The following DCDC2 variants were observed in gnomAD, a reference collection of about 807,000 sequenced individuals.
DCDC2 encodes the protein doublecortin domain-containing protein 2.
A neutral mutation model predicts 50.2 loss-of-function variants in DCDC2; 40 were observed. The observed-to-expected ratio is 0.80, with a 90% CI of 0.62 to 1.04. DCDC2 has a LOEUF of 1.04. Among genes scored for constraint, DCDC2 ranks in the 50% least tolerant of loss-of-function variants. The probability of loss-of-function intolerance (pLI) is 0.00; values close to 1 mark genes in which losing one functional copy is unlikely to be tolerated. For synonymous variants in DCDC2, 234 were observed against 210.6 expected (o/e 1.11, Z -0.96); for missense variants, 570 against 581.9 (o/e 0.98, Z 0.21).
At chr6:24,281,579 CTATATA>C (rs10531442) in intron 6 of DCDC2, among the ~76,000 whole-genome samples, 78,143 of 148,938 alleles carry the variant, frequency 0.52, 24,865 homozygotes, top group East Asian at 0.78. Context: ...ACATAATACA[CTATATA>C]TATAAATTAT....
intron 7 of DCDC2, among the ~76,000 whole-genome samples, chr6:24,264,049 T>C (rs1468902550): frequency 1.3e-5 from 2 of 152,190 alleles, no homozygotes; most frequent in South Asian, 2.1e-4. Flanking sequence ...AGATTTCTCA[T>C]TGCCAACCTG....
chr6:24,314,747 G>A (rs557817127), intron 2 of DCDC2, among the ~76,000 whole-genome samples: 4 of 151,976 alleles, frequency 2.6e-5, no homozygotes, highest in African/African-American at 7.2e-5. Context: ...CAAGGCAAAC[G>A]TGATAGTAAT....
intron 4 of DCDC2, among the ~76,000 whole-genome samples, chr6:24,297,023 T>C (rs1759266235): frequency 6.6e-6 from 1 of 152,228 alleles, no homozygotes; most frequent in Non-Finnish European, 1.5e-5. Context: ...ATATGTTCAT[T>C]GCAGCACTAT....
chr6:24,257,474 G>T (rs773110027), intron 7 of DCDC2, among the ~76,000 whole-genome samples: 8 of 152,134 alleles, frequency 5.3e-5, no homozygotes, highest in Non-Finnish European at 7.3e-5. Context: ...TAATACACCT[G>T]CTGTAAAGTT....
At chr6:24,288,191 C>G (rs760210413) in intron 6 of DCDC2, among the ~76,000 whole-genome samples, 1 of 152,136 alleles carries the variant, frequency 6.6e-6, no homozygotes, top group East Asian at 1.9e-4. Flanking sequence ...CACAACTTGT[C>G]GGGCAATTCA....
intron 8 of DCDC2, among the ~76,000 whole-genome samples, chr6:24,198,756 T>G (rs559922109): frequency 6.6e-6 from 1 of 152,332 alleles, no homozygotes; most frequent in African/African-American, 2.4e-5. Context: ...TAAGATCTAC[T>G]GGCTTGAAAT....
chr6:24,264,536 G>A (rs549778837), intron 7 of DCDC2, among the ~76,000 whole-genome samples: 1 of 152,056 alleles, frequency 6.6e-6, no homozygotes, highest in African/African-American at 2.4e-5. Context: ...TTTGCAATTA[G>A]TGCTAAGTTG....
chr6:24,358,710 T>C (rs1366557956), upstream of DCDC2, among the ~76,000 whole-genome samples: 8 of 85,210 alleles, frequency 9.4e-5, no homozygotes, highest in Non-Finnish European at 1.7e-4. Flanking sequence ...TTTTTTTATA[T>C]ATATATTTTA....
intron 7 of DCDC2, among the ~76,000 whole-genome samples, chr6:24,233,241 G>A (rs1011833564): frequency 2.7e-4 from 41 of 152,240 alleles, no homozygotes; most frequent in African/African-American, 9.4e-4. Flanking sequence ...CAAAATCAAA[G>A]GAGGCTCTGT....
chr6:24,253,858 C>T (rs1561744528), intron 7 of DCDC2, among the ~76,000 whole-genome samples: 2 of 152,144 alleles, frequency 1.3e-5, no homozygotes, highest in Non-Finnish European at 2.9e-5. Context: ...ACTTAGGCTA[C>T]ACTAAATTTA....
chr6:24,181,446 G>A (rs1761069264), intron 8 of DCDC2, among the ~76,000 whole-genome samples: 1 of 152,154 alleles, frequency 6.6e-6, no homozygotes, highest in Admixed American at 6.5e-5. Flanking sequence ...AGGAGAGGAG[G>A]GCTTGGCAAG....
At chr6:24,185,704 C>CAA (rs1331453764) in intron 8 of DCDC2, among the ~76,000 whole-genome samples, 1 of 111,808 alleles carries the variant, frequency 8.9e-6, no homozygotes, top group Admixed American at 8.7e-5. Flanking sequence ...CACACACACA[C>CAA]ACACACACAC....
intron 7 of DCDC2, among the ~76,000 whole-genome samples, chr6:24,256,035 T>C (rs62400396): frequency 0.047 from 7,105 of 152,226 alleles, 177 homozygotes; most frequent in African/African-American, 0.063. Context: ...CAGTCATACA[T>C]GGAATCCCAT....
intron 6 of DCDC2, among the ~76,000 whole-genome samples, chr6:24,284,730 C>A (rs1016405190): frequency 3.3e-5 from 5 of 152,014 alleles, no homozygotes; most frequent in African/African-American, 9.7e-5. Flanking sequence ...TATGATTGAG[C>A]CCTGCCTGCC....
At chr6:24,221,948 G>A (rs573797054) in intron 7 of DCDC2, among the ~76,000 whole-genome samples, 6 of 152,270 alleles carry the variant, frequency 3.9e-5, no homozygotes, top group African/African-American at 1.4e-4. Context: ...AGAGTCATAG[G>A]GGAAAGCTAT....
the DCDC2 span, among the ~76,000 whole-genome samples, chr6:24,369,673 G>T: frequency 6.6e-6 from 1 of 151,948 alleles, no homozygotes; most frequent in Non-Finnish European, 1.5e-5. Flanking sequence ...ATGAAATAAA[G>T]AAAAAGAGTA....
At chr6:24,220,915 C>CGAGAGAGTGAGCGAGCGAGCGAGAGAGT (rs1369192042) in intron 7 of DCDC2, among the ~76,000 whole-genome samples, 3 of 131,794 alleles carry the variant, frequency 2.3e-5, no homozygotes, top group Admixed American at 1.5e-4. Flanking sequence ...AGAGAGTGAG[C>CGAGAGAGTGAGCGAGCGAGCGAGAGAGT]GAGCGAGCGA....
the DCDC2 span, among the ~76,000 whole-genome samples, chr6:24,364,260 A>T: frequency 6.6e-6 from 1 of 152,134 alleles, no homozygotes; most frequent in Non-Finnish European, 1.5e-5. Flanking sequence ...ATAAATTTTT[A>T]AATGTTTATT....
intron 4 of DCDC2, among the ~76,000 whole-genome samples, chr6:24,297,810 T>TAGGA (rs1348295559): frequency 6.6e-6 from 1 of 152,080 alleles, no homozygotes; most frequent in Non-Finnish European, 1.5e-5. Context: ...GGAGAAAACA[T>TAGGA]AGGAGAATAT....
Sources: allele counts gnomAD v4.1 joint callset (sites outside exome capture counted in the v4.1 genomes callset), GRCh38; gene constraint gnomAD v4.1.1; transcripts MANE v1.5; gene names NCBI Gene and HGNC (gene_info 2026-07-23, HGNC 2026-07-21).